EIF5A2: variants seen among roughly 807,000 people sequenced by gnomAD.
EIF5A2 encodes the protein eukaryotic translation initiation factor 5A2.
Under a neutral mutation model 16.4 loss-of-function variants are expected in EIF5A2, and 15 were observed. That is an observed-to-expected ratio of 0.92 (90% CI 0.61 to 1.41). The LOEUF (loss-of-function observed/expected upper bound fraction) is 1.41. Among genes scored for constraint, EIF5A2 ranks in the 40% most tolerant of loss-of-function variants. The pLI, the probability that EIF5A2 is intolerant of heterozygous loss-of-function variation, is 0.00. For missense variants in EIF5A2, 144 were observed against 189.5 expected (o/e 0.76, Z 1.41); for synonymous variants, 48 against 61.1 (o/e 0.79, Z 1.00).
intron 4 of EIF5A2, among the ~76,000 whole-genome samples, chr3:170,893,938 G>A (rs1001357819): frequency 4.6e-5 from 7 of 151,970 alleles, no homozygotes; most frequent in African/African-American, 1.7e-4. Context: ...GAGGCTGAGG[G>A]GAGAATCGCT....
chr3:170,900,855 C>T (rs185124307), intron 3 of EIF5A2, among the ~76,000 whole-genome samples: 1 of 152,074 alleles, frequency 6.6e-6, no homozygotes, highest in Non-Finnish European at 1.5e-5. Flanking sequence ...AGTATTCTGG[C>T]TAAGAGAAAC....
intron 3 of EIF5A2, among the ~76,000 whole-genome samples, chr3:170,901,270 C>A (rs1198593004): frequency 6.6e-6 from 1 of 152,150 alleles, no homozygotes; most frequent in Non-Finnish European, 1.5e-5. Flanking sequence ...TTATACTATA[C>A]TTTGAAAATT....
rs1576784550 is a variant in EIF5A2, at chr3:170,890,130, G to C, written c.*3230C>G. 6.6e-6 allele frequency: 1 copy of C among 151,412 alleles called. No homozygotes were observed. The highest frequency in any genetic ancestry group is 1.5e-5 in the Non-Finnish European group (1 of 67,782). The allele number at this position is 151,412 out of a possible 1,614,324, so 9.4% of individuals were successfully genotyped here. ...GCTCAACTAGAAATATTCTAATTGAGAAACCTTAAAGTACAAAAACAAGTT... is the reference window on the plus strand; with the variant it reads ...GCTCAACTAGAAATATTCTAATTGACAAACCTTAAAGTACAAAAACAAGTT... On this transcript the variant is annotated 3_prime_UTR_variant, in exon 5 of 5. Coordinates refer to ENST00000295822, the MANE Select transcript of EIF5A2 (RefSeq NM_020390.6).
intron 1 of EIF5A2, 136 bp from the exon 2 acceptor site, chr3:170,907,977 G>T: frequency 1.7e-6 from 1 of 578,106 alleles, no homozygotes; most frequent in Non-Finnish European, 2.7e-6. Flanking sequence ...TAGACTAGTG[G>T]CCACTTTCTA....
At chr3:170,893,445 G>A (rs866317775) in intron 4 of EIF5A2, 26 bp from the exon 5 acceptor site, 19 of 1,612,224 alleles carry the variant, frequency 1.2e-5, no homozygotes, top group African/African-American at 4.0e-5. Context: ...CAGGCAAAAC[G>A]TTATTCAGAA....
chr3:170,896,368 T>C (rs1425583490), intron 3 of EIF5A2, among the ~76,000 whole-genome samples: 1 of 152,202 alleles, frequency 6.6e-6, no homozygotes, highest in Non-Finnish European at 1.5e-5. Context: ...AATTATTTAA[T>C]CTTTGATATG....
chr3:170,903,001 A>C (rs1209825980), intron 3 of EIF5A2, among the ~76,000 whole-genome samples: 1 of 152,168 alleles, frequency 6.6e-6, no homozygotes, highest in Admixed American at 6.5e-5. Context: ...CCACTACTGA[A>C]AACCTCACAG....
At position 170,894,310 on chromosome 3, in the gene EIF5A2, A is replaced by C. The variant is rs1158202401; in HGVS notation, c.384T>G (p.Asn128Lys). The C allele has an allele frequency of 6.2e-7, 1 of 1,613,714 alleles. No homozygotes were observed. Among genetic ancestry groups the C allele is most frequent in the Admixed American group, 1.7e-5 (1 of 59,980 alleles). ...TCTTTACCTGTACATCTTCACCTGC[A>C]TTGTATTTTCCCTCTATTTCTTTGC... ...ELGKEIEGKY[N>K]AGEDVQVSVM... The change falls in exon 4 of 5, where the codon AAT becomes AAG. Residue 128 changes from asparagine to lysine, a missense_variant. Physicochemically the swap from Asn to Lys is moderately conservative, Grantham distance 94. Coordinates refer to ENST00000295822, the MANE Select transcript of EIF5A2 (RefSeq NM_020390.6).
intron 3 of EIF5A2, among the ~76,000 whole-genome samples, chr3:170,900,537 T>C (rs1236265859): frequency 6.6e-6 from 1 of 152,110 alleles, no homozygotes; most frequent in African/African-American, 2.4e-5. Flanking sequence ...ATTAGGCCCA[T>C]GTCAAAGGGA....
At position 170,907,021 on chromosome 3, in the gene EIF5A2, C is replaced by A; in HGVS notation, c.238G>T (p.Asp80Tyr). Reference sequence around the variant, plus strand: ...TCATTTCTCTTAATATTTGGAACATCCATGTTGTGAGTAGAAGGACAAATA... The same window carrying A: ...TCATTTCTCTTAATATTTGGAACATACATGTTGTGAGTAGAAGGACAAATA... ...EDICPSTHNMDVPNIKRNDYQ... is the reference protein window; with the variant it reads ...EDICPSTHNMYVPNIKRNDYQ... Residue 80 changes from aspartate to tyrosine, a missense_variant, in exon 3 of 5, where the codon GAT becomes TAT. Physicochemically the swap from Asp to Tyr is radical, Grantham distance 160 (BLOSUM62 -3). Transcript: ENST00000295822. The A allele has an allele frequency of 6.2e-7, 1 of 1,611,122 alleles. No individual in the cohort carries two copies. The highest frequency in any genetic ancestry group is 1.1e-5 in the South Asian group (1 of 90,494).
intron 3 of EIF5A2, among the ~76,000 whole-genome samples, chr3:170,902,669 C>T (rs528502254): frequency 2.2e-5 from 3 of 133,886 alleles, no homozygotes; most frequent in East Asian, 4.3e-4. Flanking sequence ...AGTGCAATGG[C>T]GGGATCTTAG....
chr3:170,906,798 C>G (rs1292244072), intron 3 of EIF5A2, among the ~76,000 whole-genome samples, 191 bp downstream of exon 3: 1 of 152,160 alleles, frequency 6.6e-6, no homozygotes, highest in Non-Finnish European at 1.5e-5. Context: ...AAATAGCAAA[C>G]TAGCAATAAT....
At chr3:170,896,674 T>G (rs939035398) in intron 3 of EIF5A2, among the ~76,000 whole-genome samples, 11 of 152,154 alleles carry the variant, frequency 7.2e-5, no homozygotes, top group African/African-American at 2.7e-4. Flanking sequence ...AATTACCCAG[T>G]CTCAGGTAGT....
chr3:170,897,032 T>G (rs560417794), intron 3 of EIF5A2, among the ~76,000 whole-genome samples: 2 of 152,332 alleles, frequency 1.3e-5, no homozygotes, highest in East Asian at 3.9e-4. Context: ...CCTAGAGATC[T>G]GTGGAACTAT....
chr3:170,896,938 T>C (rs558497569), intron 3 of EIF5A2, among the ~76,000 whole-genome samples: 3 of 152,170 alleles, frequency 2.0e-5, no homozygotes, highest in Non-Finnish European at 4.4e-5. Context: ...TGGTTTCAGA[T>C]GGAGATGAGG....
chr3:170,901,935 G>A (rs1560010585), intron 3 of EIF5A2, among the ~76,000 whole-genome samples: 1 of 152,114 alleles, frequency 6.6e-6, no homozygotes, highest in Non-Finnish European at 1.5e-5. Context: ...AGTGATCTGA[G>A]AGACTGAATG....
rs1712523496 is a variant in EIF5A2, at chr3:170,891,112, A to G, written c.*2248T>C. 6.6e-6 allele frequency: 1 copy of G among 152,492 alleles called. No homozygotes were observed. Among genetic ancestry groups the G allele is most frequent in the Non-Finnish European group, 1.5e-5 (1 of 67,994 alleles). The allele number at this position is 152,492 out of a possible 1,614,324, so 9.4% of individuals were successfully genotyped here. A position where few individuals can be genotyped will look rare whatever the true frequency, so the allele number is the denominator to read the frequency against. On this transcript the variant is annotated 3_prime_UTR_variant, in exon 5 of 5. Coordinates refer to ENST00000295822, the MANE Select transcript of EIF5A2 (RefSeq NM_020390.6). ...ACAATTGAAAATATATTTATGTGAA[A>G]TTTTACAAGTTAGGAAGAACAGGGG...
At chr3:170,899,130 G>A (rs1290545399) in intron 3 of EIF5A2, among the ~76,000 whole-genome samples, 2 of 152,112 alleles carry the variant, frequency 1.3e-5, no homozygotes, top group Non-Finnish European at 2.9e-5. Flanking sequence ...CCTAACTCCA[G>A]GGTCATACCT....
intron 1 of EIF5A2, 78 bp from the exon 2 acceptor site, chr3:170,907,919 G>T: frequency 8.6e-7 from 1 of 1,163,830 alleles, no homozygotes; most frequent in Non-Finnish European, 1.2e-6. Flanking sequence ...CAAGTTATGT[G>T]CCAAGCATCA....
Sources: allele counts gnomAD v4.1 joint callset (sites outside exome capture counted in the v4.1 genomes callset), GRCh38; gene constraint gnomAD v4.1.1; transcripts MANE v1.5; gene names NCBI Gene and HGNC (gene_info 2026-07-23, HGNC 2026-07-21).